Variants in SLC25A30 observed in about 807,000 individuals in gnomAD.
SLC25A30 encodes the protein solute carrier family 25 member 30, also known as kidney mitochondrial carrier protein 1.
SLC25A30 carries 29 observed loss-of-function variants against 42.7 expected under a neutral mutation model. That is an observed-to-expected ratio of 0.68 (90% CI 0.51 to 0.93). The LOEUF (loss-of-function observed/expected upper bound fraction) is 0.93, where lower values mean the gene tolerates loss of function less well. Ranked by LOEUF, SLC25A30 falls within the 40% of genes least tolerant of loss-of-function variation. The pLI, the probability that SLC25A30 is intolerant of heterozygous loss-of-function variation, is 0.00. For synonymous variants in SLC25A30, 124 were observed against 131.0 expected, an observed-to-expected ratio of 0.95 and a Z score of 0.37; for missense variants, 300 against 359.7, an observed-to-expected ratio of 0.83 and a Z score of 1.34.
Position 45,409,089 on chromosome 13 carries a change from AG to A in SLC25A30, c.65-16del, listed in dbSNP as rs1381222841. ...TGGAAATGTACCTTAAAATTTAAAAAGAAATTCACTTAATAAAAAGAAATTC... is the reference window on the plus strand; with the variant it reads ...TGGAAATGTACCTTAAAATTTAAAAAAAATTCACTTAATAAAAAGAAATTC... On this transcript the variant is annotated splice_polypyrimidine_tract_variant and intron_variant, in intron 2 of 9. Transcript: ENST00000519676. 2 of 1,581,788 alleles carry A rather than the reference AG, an allele frequency of 1.3e-6. No homozygotes were observed. Among genetic ancestry groups the A allele is most frequent in the East Asian group, 4.5e-5 (2 of 44,424 alleles).
rs1881149061 is a variant in SLC25A30, at chr13:45,394,208, G to A, written c.*1766C>T. 3.0e-6 allele frequency: 3 copies of A among 985,192 alleles called. No homozygotes were observed. Among genetic ancestry groups the A allele is most frequent in the South Asian group, 4.7e-5 (1 of 21,278 alleles). 61.0% of individuals were successfully genotyped at this position (985,192 alleles called of 1,614,324 possible). Reference sequence around the variant, plus strand: ...CAGGGAGAGCTGGACTTTCATCTGAGTCTCAGCAATTAACAGGTAACCCTA... The same window carrying A: ...CAGGGAGAGCTGGACTTTCATCTGAATCTCAGCAATTAACAGGTAACCCTA... On this transcript the variant is annotated 3_prime_UTR_variant, in exon 10 of 10. Coordinates refer to ENST00000519676, the MANE Select transcript of SLC25A30 (RefSeq NM_001010875.4).
At chr13:45,423,617 A>T in the SLC25A30 span, among the ~76,000 whole-genome samples, 4 of 96,114 alleles carry the variant, frequency 4.2e-5, no homozygotes, top group East Asian at 2.5e-4. Context: ...ATATATATAA[A>T]ATATATATAT....
chr13:45,415,757 A>G (rs1268506075), intron 1 of SLC25A30, among the ~76,000 whole-genome samples: 1 of 150,686 alleles, frequency 6.6e-6, no homozygotes, highest in African/African-American at 2.4e-5. Flanking sequence ...ATCACAAAAA[A>G]AAAAAAAAGA....
At chr13:45,397,642 G>A in intron 8 of SLC25A30, 1 of 219,156 alleles carries the variant, frequency 4.6e-6, no homozygotes, top group Non-Finnish European at 9.0e-6. Context: ...CTTGCAGTGA[G>A]CCAAGATCAC....
intron 3 of SLC25A30, among the ~76,000 whole-genome samples, chr13:45,408,517 C>T (rs1241437221): frequency 1.3e-5 from 2 of 152,080 alleles, no homozygotes; most frequent in African/African-American, 4.8e-5. Context: ...CCAGTGCCTA[C>T]AGAATACTGT....
At chr13:45,423,061 T>C (rs1340838561), upstream of SLC25A30, among the ~76,000 whole-genome samples, 1 of 152,100 alleles carries the variant, frequency 6.6e-6, no homozygotes, top group Non-Finnish European at 1.5e-5. Flanking sequence ...AGTAAGCTCG[T>C]TGGGGTAGGG....
At chr13:45,425,312 A>T in the SLC25A30 span, among the ~76,000 whole-genome samples, 2 of 108,182 alleles carry the variant, frequency 1.8e-5, no homozygotes, top group South Asian at 2.5e-4. Context: ...ATATATAAAT[A>T]TATATGTATA....
the SLC25A30 span, among the ~76,000 whole-genome samples, chr13:45,423,948 A>ATATAAGAATATATATAAAC: frequency 7.2e-4 from 35 of 48,666 alleles, no homozygotes; most frequent in Non-Finnish European, 3.5e-4. Context: ...TATATAAAAA[A>ATATAAGAATATATATAAAC]ATATATGAAT....
the SLC25A30 span, among the ~76,000 whole-genome samples, chr13:45,424,571 A>C: frequency 3.4e-5 from 1 of 29,688 alleles, no homozygotes; most frequent in Admixed American, 5.8e-4. Flanking sequence ...AAATGTATAA[A>C]TATATAAATA....
chr13:45,396,298 A>G (rs531323247), intron 9 of SLC25A30: 703 of 1,299,144 alleles, frequency 5.4e-4, no homozygotes, highest in Middle Eastern at 9.2e-4. Flanking sequence ...CTGTGGTGGA[A>G]AAACTTTCCA....
At chr13:45,419,130 T>TAA (rs374462224), upstream of SLC25A30, among the ~76,000 whole-genome samples, 125 of 90,510 alleles carry the variant, frequency 1.4e-3, 1 homozygote, top group African/African-American at 5.8e-3. Flanking sequence ...TACTCCCTCT[T>TAA]AAAAAAAAAA....
In SLC25A30 at chr13:45,393,497, A is replaced by C; in HGVS notation, c.*2477T>G. 1.0e-6 allele frequency: 1 copy of C among 985,362 alleles called. No individual in the cohort carries two copies. The highest frequency in any genetic ancestry group is 1.2e-6 in the Non-Finnish European group (1 of 829,856). 61.0% of individuals were successfully genotyped at this position (985,362 alleles called of 1,614,324 possible). On this transcript the variant is annotated 3_prime_UTR_variant, in exon 10 of 10. Transcript: ENST00000519676. The stretch of plus-strand genomic sequence containing the variant: ...ATATAAAGGACAGGAGCCACTTTTT[A>C]TATTATGAATCCACAACATTAAGCA...
intron 3 of SLC25A30, among the ~76,000 whole-genome samples, 153 bp downstream of exon 3, chr13:45,408,774 A>C (rs1213281150): frequency 1.3e-5 from 2 of 152,238 alleles, no homozygotes; most frequent in African/African-American, 4.8e-5. Context: ...TAGAAATTAG[A>C]GTTGAAATTA....
Position 45,395,413 on chromosome 13 carries a change from A to T in SLC25A30, c.*561T>A, listed in dbSNP as rs1881232710. The T allele has an allele frequency of 1.0e-6, 1 of 986,468 alleles. No individual in the cohort carries two copies. Among genetic ancestry groups the T allele is most frequent in the African/African-American group, 1.7e-5 (1 of 57,236 alleles). The allele number at this position is 986,468 out of a possible 1,614,324, so 61.1% of individuals were successfully genotyped here. ...TATTATAAGTGGAAGATCCTGCCAAAATAGGAAATGATAAAGCAGTGTGAT... is the reference window on the plus strand; with the variant it reads ...TATTATAAGTGGAAGATCCTGCCAATATAGGAAATGATAAAGCAGTGTGAT... On this transcript the variant is annotated 3_prime_UTR_variant, in exon 10 of 10. Coordinates refer to ENST00000519676, the MANE Select transcript of SLC25A30 (RefSeq NM_001010875.4).
chr13:45,425,081 A>C, the SLC25A30 span, among the ~76,000 whole-genome samples: 82 of 30,360 alleles, frequency 2.7e-3, 4 homozygotes, highest in African/African-American at 6.8e-3. Context: ...CATATATATA[A>C]ATATATAAAT....
Position 45,413,076 on chromosome 13 carries a change from A to G in SLC25A30, c.-55-1596T>C, listed in dbSNP as rs183054746. Reference sequence around the variant, plus strand: ...TCAGTTTCCAACACTAGGACCCCCCATCGGGCACCTTGAATAAATCTATTA... The same window carrying G: ...TCAGTTTCCAACACTAGGACCCCCCGTCGGGCACCTTGAATAAATCTATTA... On this transcript the variant is annotated intron_variant, in intron 1 of 9. Coordinates refer to ENST00000519676, the MANE Select transcript of SLC25A30 (RefSeq NM_001010875.4). Among the ~76,000 whole-genome samples, 682 of 152,332 alleles carry G rather than the reference A, an allele frequency of 4.5e-3. 4 individuals are homozygous for G. The highest frequency in any genetic ancestry group is 0.016 in the African/African-American group (658 of 41,572).
At chr13:45,419,011 A>G (rs567880639), upstream of SLC25A30, among the ~76,000 whole-genome samples, 8 of 134,184 alleles carry the variant, frequency 6.0e-5, no homozygotes, top group East Asian at 9.2e-4. Context: ...GGTGCCTGTA[A>G]TCCCAGCCAC....
the SLC25A30 span, among the ~76,000 whole-genome samples, chr13:45,425,363 T>C: frequency 9.1e-6 from 1 of 109,898 alleles, no homozygotes; most frequent in South Asian, 2.5e-4. Context: ...TGTAAGTATA[T>C]GTATAAAAAT....
At chr13:45,406,028 A>G in intron 3 of SLC25A30, 51 bp from the exon 4 acceptor site, 1 of 1,554,936 alleles carries the variant, frequency 6.4e-7, no homozygotes, top group East Asian at 2.2e-5. Context: ...ATCACTTAAC[A>G]TCGGCTAGGC....
Sources: allele counts gnomAD v4.1 joint callset (sites outside exome capture counted in the v4.1 genomes callset), GRCh38; gene constraint gnomAD v4.1.1; transcripts MANE v1.5; gene names NCBI Gene and HGNC (gene_info 2026-07-23, HGNC 2026-07-21).